MYO6: variants seen among roughly 807,000 people sequenced by gnomAD.
MYO6 encodes unconventional myosin-VI.
In MYO6, 74 loss-of-function variants were observed where a neutral mutation model predicts 178.7. The ratio of observed to expected loss-of-function variants is 0.41; its 90% CI spans 0.34 to 0.50. MYO6 has a LOEUF of 0.50. Among genes scored for constraint, MYO6 ranks in the 20% least tolerant of loss-of-function variants. The pLI, the probability that MYO6 is intolerant of heterozygous loss-of-function variation, is 0.09. For missense variants in MYO6, 1,330 were observed against 1,547.4 expected, an observed-to-expected ratio of 0.86 and a Z score of 2.36; for synonymous variants, 477 against 504.6, an observed-to-expected ratio of 0.95 and a Z score of 0.73.
chr6:75,768,294 AC>A (rs1778609892), intron 1 of MYO6: 1 of 151,902 alleles, frequency 6.6e-6, no homozygotes, highest in Non-Finnish European at 1.5e-5. Flanking sequence ...AAAAAATTTC[AC>A]AAAAGAGTTT....
chr6:75,788,970 C>T (rs1205335195), intron 1 of MYO6, among the ~76,000 whole-genome samples: 2 of 152,110 alleles, frequency 1.3e-5, no homozygotes, highest in Non-Finnish European at 1.5e-5. Context: ...CATGATATTC[C>T]TTCATATGCA....
At chr6:75,752,337 C>T (rs1449440283) in intron 1 of MYO6, among the ~76,000 whole-genome samples, 2 of 152,166 alleles carry the variant, frequency 1.3e-5, no homozygotes, top group Admixed American at 6.5e-5. Flanking sequence ...TGGCCCTTTA[C>T]TAGTATAAGA....
intron 2 of MYO6, among the ~76,000 whole-genome samples, chr6:75,818,758 A>G (rs1771553569): frequency 6.6e-6 from 1 of 152,202 alleles, no homozygotes. Context: ...ATAATGTGCC[A>G]TGTTAGAGGA....
chr6:75,803,565 C>T (rs760598081), intron 1 of MYO6, among the ~76,000 whole-genome samples: 8 of 151,972 alleles, frequency 5.3e-5, no homozygotes, highest in South Asian at 2.1e-4. Context: ...GTATCTCAGC[C>T]TAAAGCAGTG....
At chr6:75,813,407 T>G (rs1307763923) in intron 1 of MYO6, among the ~76,000 whole-genome samples, 1 of 152,196 alleles carries the variant, frequency 6.6e-6, no homozygotes, top group Non-Finnish European at 1.5e-5. Flanking sequence ...CTGCCAGTGC[T>G]GAATCTCCTG....
At chr6:75,809,570 C>T (rs143845830) in intron 1 of MYO6, among the ~76,000 whole-genome samples, 1 of 152,230 alleles carries the variant, frequency 6.6e-6, no homozygotes, top group African/African-American at 2.4e-5. Context: ...GCAGGAATTA[C>T]AGGCGAAGAC....
intron 15 of MYO6, among the ~76,000 whole-genome samples, chr6:75,862,379 A>C (rs1776278987): frequency 6.6e-6 from 1 of 152,252 alleles, no homozygotes; most frequent in South Asian, 2.1e-4. Context: ...TAGCTTTTCT[A>C]AAACCTATAT....
At position 75,828,663 on chromosome 6, in the gene MYO6, G is replaced by C. The variant is rs773458890; in HGVS notation, c.261+50G>C. The C allele has an allele frequency of 2.6e-5, 29 of 1,133,814 alleles. 1 individual carries two copies. The South Asian group carries it at 3.5e-4, about 14-fold the overall frequency. 70.2% of individuals were successfully genotyped at this position (1,133,814 alleles called of 1,614,324 possible). On this transcript the variant is annotated intron_variant, in intron 4 of 34. Coordinates refer to ENST00000369977, the MANE Select transcript of MYO6 (RefSeq NM_004999.4). ...GTTTTTGTGGAGATAATTATTTCAT[G>C]TGGTACTCTTTGATTTTGTCACGCT...
intron 1 of MYO6, among the ~76,000 whole-genome samples, chr6:75,783,909 G>A (rs1767245284): frequency 6.6e-6 from 1 of 152,092 alleles, no homozygotes; most frequent in African/African-American, 2.4e-5. Context: ...TTTGAGTATA[G>A]TTCTTGTTTA....
intron 1 of MYO6, among the ~76,000 whole-genome samples, chr6:75,755,669 C>CTTG: frequency 6.6e-6 from 1 of 152,212 alleles, no homozygotes; most frequent in Non-Finnish European, 1.5e-5. Flanking sequence ...ATAGTTACAA[C>CTTG]TGTCTTTGTA....
intron 30 of MYO6, among the ~76,000 whole-genome samples, chr6:75,904,313 T>A (rs1370444698): frequency 6.6e-6 from 1 of 151,514 alleles, no homozygotes; most frequent in Non-Finnish European, 1.5e-5. Flanking sequence ...GATAATATCC[T>A]GCAGAGTGTT....
intron 1 of MYO6, among the ~76,000 whole-genome samples, chr6:75,796,548 A>G: frequency 6.6e-6 from 1 of 152,042 alleles, no homozygotes; most frequent in East Asian, 1.9e-4. Flanking sequence ...TGGTGAGGAC[A>G]GTACCCAATA....
At chr6:75,828,004 T>G (rs930811709) in intron 3 of MYO6, among the ~76,000 whole-genome samples, 1 of 152,212 alleles carries the variant, frequency 6.6e-6, no homozygotes, top group Non-Finnish European at 1.5e-5. Flanking sequence ...ACAAGATTTA[T>G]CTGTTCAAAC....
chr6:75,896,671 G>A (rs897922856), intron 29 of MYO6, among the ~76,000 whole-genome samples: 14 of 152,150 alleles, frequency 9.2e-5, no homozygotes, highest in African/African-American at 3.4e-4. Context: ...AAAGTTAAAT[G>A]GGGCATGGAG....
At chr6:75,900,852 T>C (rs1172223937) in intron 30 of MYO6, among the ~76,000 whole-genome samples, 2 of 150,560 alleles carry the variant, frequency 1.3e-5, no homozygotes, top group African/African-American at 4.9e-5. Context: ...TCTTCTAGGG[T>C]TTTTATGGTT....
Position 75,756,914 on chromosome 6 carries a change from C to CACAT in MYO6, c.-48+7492_-48+7493insCATA, listed in dbSNP as rs771384792. ...GTGTGTATATATATATATATATACA[C>CACAT]ATATATATACACACCATATATAGTG... is the stretch of plus-strand genomic sequence containing the variant. On this transcript the variant is annotated intron_variant, in intron 1 of 34. Coordinates refer to ENST00000369977, the MANE Select transcript of MYO6 (RefSeq NM_004999.4). Among the ~76,000 whole-genome samples the CACAT allele has an allele frequency of 4.8e-3, 643 of 134,128 alleles. 22 individuals are homozygous for CACAT. Among genetic ancestry groups the CACAT allele is most frequent in the African/African-American group, 0.019 (617 of 31,800 alleles). The allele number at this position is 134,128 out of a possible 152,430, so 88.0% of individuals were successfully genotyped here. A position where few individuals can be genotyped will look rare whatever the true frequency, so the allele number is the denominator to read the frequency against.
intron 2 of MYO6, among the ~76,000 whole-genome samples, chr6:75,822,390 G>T (rs1399437059): frequency 6.6e-6 from 1 of 152,078 alleles, no homozygotes; most frequent in Non-Finnish European, 1.5e-5. Context: ...GAGCCACTGT[G>T]CCCGGTTACT....
intron 18 of MYO6, among the ~76,000 whole-genome samples, chr6:75,869,528 A>G (rs1485929228): frequency 6.6e-6 from 1 of 152,226 alleles, no homozygotes; most frequent in Non-Finnish European, 1.5e-5. Context: ...AGTAAACTAT[A>G]CTTACTAATT....
chr6:75,861,653 C>A (rs1776224108), intron 15 of MYO6, among the ~76,000 whole-genome samples: 1 of 152,226 alleles, frequency 6.6e-6, no homozygotes, highest in Non-Finnish European at 1.5e-5. Flanking sequence ...ATTTCTTTCC[C>A]ACCCCATCTC....
Sources: gnomAD v4.1 joint callset for allele counts (sites outside exome capture counted in the v4.1 genomes callset) on GRCh38, gnomAD v4.1.1 for gene constraint, MANE v1.5 for transcripts, NCBI Gene and HGNC (gene_info 2026-07-23, HGNC 2026-07-21) for gene names.